The following LTA4H variants were observed in gnomAD, a reference collection of about 807,000 sequenced individuals.
The protein encoded by LTA4H is leukotriene A4 hydrolase.
In LTA4H, 59 loss-of-function variants were observed where a neutral mutation model predicts 89.8. The ratio of observed to expected loss-of-function variants is 0.66; its 90% CI spans 0.53 to 0.82. The LOEUF (loss-of-function observed/expected upper bound fraction) is 0.82, where lower values mean the gene tolerates loss of function less well. Among genes scored for constraint, LTA4H ranks in the 40% least tolerant of loss-of-function variants. The probability of loss-of-function intolerance (pLI) is 0.00; values close to 1 mark genes in which losing one functional copy is unlikely to be tolerated. For synonymous variants in LTA4H, 227 were observed against 253.1 expected (o/e 0.90, Z 0.98); for missense variants, 617 against 727.0 (o/e 0.85, Z 1.74).
intron 3 of LTA4H, among the ~76,000 whole-genome samples, chr12:96,026,636 T>C (rs1413644744): frequency 6.6e-6 from 1 of 152,198 alleles, no homozygotes; most frequent in Non-Finnish European, 1.5e-5. Flanking sequence ...ACAGGTCTGA[T>C]TCATATGCTA....
intron 17 of LTA4H, among the ~76,000 whole-genome samples, chr12:96,003,303 T>A (rs17677343): frequency 0.17 from 25,371 of 152,196 alleles, 2,792 homozygotes; most frequent in Non-Finnish European, 0.26. Context: ...TTTTTAAAGG[T>A]CTGGATCAGG....
At chr12:96,043,322 T>C (rs1476649858) in exon 1 of LTA4H, 1 of 1,535,508 alleles carries the variant, frequency 6.5e-7, no homozygotes, top group African/African-American at 1.4e-5. Context: ...GAGTCTTAAC[T>C]GGGATATGCA....
At chr12:96,015,409 A>G (rs1010657496) in intron 11 of LTA4H, among the ~76,000 whole-genome samples, 174 bp downstream of exon 11, 7 of 152,214 alleles carry the variant, frequency 4.6e-5, no homozygotes, top group Non-Finnish European at 8.8e-5. Flanking sequence ...ACTACCTTAC[A>G]TAGAACAGTG....
At chr12:96,035,949 T>C (rs1309708639), upstream of LTA4H, among the ~76,000 whole-genome samples, 1 of 152,100 alleles carries the variant, frequency 6.6e-6, no homozygotes, top group Admixed American at 6.5e-5. Flanking sequence ...TTCATTGGTG[T>C]TTGCATATAG....
upstream of LTA4H, among the ~76,000 whole-genome samples, chr12:96,039,644 G>A (rs17025122): frequency 0.097 from 14,776 of 152,228 alleles, 980 homozygotes; most frequent in East Asian, 0.3. Flanking sequence ...AGCAACCACG[G>A]TTTGTACAGC....
chr12:96,036,820 T>TA (rs1278771581), upstream of LTA4H, among the ~76,000 whole-genome samples: 2 of 152,186 alleles, frequency 1.3e-5, no homozygotes, highest in African/African-American at 4.8e-5. Flanking sequence ...GGTTTACAGT[T>TA]ACGCAGGCTG....
At chr12:96,033,672 T>G (rs1255631194) in intron 1 of LTA4H, among the ~76,000 whole-genome samples, 1 of 152,206 alleles carries the variant, frequency 6.6e-6, no homozygotes, top group African/African-American at 2.4e-5. Flanking sequence ...ACCCGTCAGC[T>G]ACATTAGGTA....
chr12:96,017,503 C>T, intron 9 of LTA4H, 54 bp downstream of exon 9: 1 of 1,452,766 alleles, frequency 6.9e-7, no homozygotes, highest in Non-Finnish European at 9.6e-7. Context: ...ATTTTAAAAT[C>T]AGTTGACGTA....
At chr12:96,024,394 A>C in intron 4 of LTA4H, 85 bp downstream of exon 4, 1 of 778,560 alleles carries the variant, frequency 1.3e-6, no homozygotes, top group East Asian at 2.7e-5. Flanking sequence ...TAGCTCTAGG[A>C]ATTCAATTAT....
At chr12:96,008,535 T>C (rs1282218111) in intron 15 of LTA4H, among the ~76,000 whole-genome samples, 1 of 151,072 alleles carries the variant, frequency 6.6e-6, no homozygotes, top group Admixed American at 6.7e-5. Context: ...AAGATGCAAA[T>C]ATTTTTGCAT....
Position 96,029,152 on chromosome 12 carries a change from C to T in LTA4H, c.193G>A (p.Val65Ile), listed in dbSNP as rs186566026. Residue 65 changes from valine (V) to isoleucine (I), a missense_variant, in exon 2 of 19, where the codon GTA (valine) becomes ATA (isoleucine). By Grantham distance (29) the Val-to-Ile change is conservative. Transcript: ENST00000228740. ...LDTKDLTIEK[V>I]VINGQEVKYA... ...TTGACTTCTTGTCCATTGATCACTA[C>T]TTTTTCTATTGTAAGGTCCTTTGTA... 2.1e-5 allele frequency: 33 copies of T among 1,573,906 alleles called. No individual in the cohort carries two copies. In the African/African-American group the frequency reaches 3.8e-4, roughly 18 times the overall value.
chr12:96,021,188 A>G, intron 5 of LTA4H, 51 bp from the exon 6 acceptor site: 1 of 1,363,720 alleles, frequency 7.3e-7, no homozygotes, highest in Non-Finnish European at 1.0e-6. Flanking sequence ...GTGTTCACAA[A>G]TGTTACACAG....
At chr12:96,026,396 A>G (rs1451296934) in intron 3 of LTA4H, among the ~76,000 whole-genome samples, 1 of 152,230 alleles carries the variant, frequency 6.6e-6, no homozygotes, top group African/African-American at 2.4e-5. Context: ...CCAATAAGAA[A>G]TGGAATAATA....
chr12:96,037,276 G>A (rs144162633), upstream of LTA4H, among the ~76,000 whole-genome samples: 6 of 152,292 alleles, frequency 3.9e-5, no homozygotes, highest in South Asian at 2.1e-4. Context: ...GTCACATAAC[G>A]TGGTGGATGA....
At chr12:96,010,040 T>C (rs778348822) in intron 14 of LTA4H, 8 of 152,360 alleles carry the variant, frequency 5.3e-5, no homozygotes, top group Middle Eastern at 6.8e-3. Context: ...GGCTGTGGAC[T>C]GCAGGCATGC....
intron 1 of LTA4H, among the ~76,000 whole-genome samples, chr12:96,042,163 A>AGTTTGTTT (rs200602059): frequency 7.3e-5 from 11 of 150,758 alleles, no homozygotes; most frequent in African/African-American, 2.7e-4. Flanking sequence ...TTGTATTTTT[A>AGTTTGTTT]GTTTGTTTGT....
chr12:96,036,089 G>C (rs891155500), upstream of LTA4H, among the ~76,000 whole-genome samples: 1 of 151,502 alleles, frequency 6.6e-6, no homozygotes, highest in Non-Finnish European at 1.5e-5. Flanking sequence ...TCCCCGACGG[G>C]GAGGCACAGT....
At chr12:96,012,678 G>GCC (rs1422434273) in intron 14 of LTA4H, 1 of 154,062 alleles carries the variant, frequency 6.5e-6, no homozygotes, top group Non-Finnish European at 1.4e-5. Flanking sequence ...ATCACTGCAC[G>GCC]CCAGGCTGAG....
intron 15 of LTA4H, 110 bp from the exon 16 acceptor site, chr12:96,006,519 A>T: frequency 1.8e-6 from 1 of 561,044 alleles, no homozygotes; most frequent in South Asian, 2.8e-5. Context: ...TGAATGAACA[A>T]GATTATTCAA....
Sources: gnomAD v4.1 joint callset for allele counts (sites outside exome capture counted in the v4.1 genomes callset) on GRCh38, gnomAD v4.1.1 for gene constraint, MANE v1.5 for transcripts, NCBI Gene and HGNC (gene_info 2026-07-23, HGNC 2026-07-21) for gene names.